The following ARHGAP10 variants were observed in gnomAD, a reference collection of about 807,000 sequenced individuals.
ARHGAP10 encodes rho GTPase-activating protein 10.
In ARHGAP10, 87 loss-of-function variants were observed where a neutral mutation model predicts 108.6. The ratio of observed to expected loss-of-function variants is 0.80; its 90% CI spans 0.67 to 0.96. The LOEUF is 0.96. ARHGAP10 is among the 40% of genes least tolerant of loss of function. The pLI, the probability that ARHGAP10 is intolerant of heterozygous loss-of-function variation, is 0.00. For synonymous variants in ARHGAP10, 347 were observed against 341.1 expected (o/e 1.02, Z -0.19); for missense variants, 939 against 954.5 (o/e 0.98, Z 0.21).
intron 18 of ARHGAP10, among the ~76,000 whole-genome samples, chr4:148,020,342 G>T (rs1166476185): frequency 1.3e-5 from 2 of 152,012 alleles, no homozygotes; most frequent in Non-Finnish European, 2.9e-5. Flanking sequence ...AGGATTTGCA[G>T]GTTTGTTACA....
intron 18 of ARHGAP10, among the ~76,000 whole-genome samples, chr4:147,987,166 T>C (rs879314710): frequency 6.6e-6 from 1 of 152,256 alleles, no homozygotes; most frequent in African/African-American, 2.4e-5. Flanking sequence ...AAACTAACTT[T>C]TCTAAACTGT....
intron 19 of ARHGAP10, among the ~76,000 whole-genome samples, chr4:148,029,933 A>G (rs1728060079): frequency 6.6e-6 from 1 of 152,088 alleles, no homozygotes; most frequent in Non-Finnish European, 1.5e-5. Context: ...GTGCCTAGAA[A>G]TTATGTGGGA....
chr4:147,758,197 A>G (rs952504055), intron 1 of ARHGAP10, among the ~76,000 whole-genome samples: 3 of 150,244 alleles, frequency 2.0e-5, no homozygotes, highest in Non-Finnish European at 3.0e-5. Flanking sequence ...CGGGACGTGG[A>G]GGTTGTGGTG....
Position 147,909,775 on chromosome 4 carries a change from G to A in ARHGAP10, c.1160G>A (p.Gly387Glu). 6.2e-7 allele frequency: 1 copy of A among 1,608,214 alleles called. No homozygotes were observed. The highest frequency in any genetic ancestry group is 8.5e-7 in the Non-Finnish European group (1 of 1,174,712). Reference protein sequence around the residue: ...FNTAIIPRPEGNAQLDKMGFT... With the variant: ...FNTAIIPRPEENAQLDKMGFT... Reference sequence around the variant, plus strand: ...ACAGCCATCATCCCAAGACCAGAAGGAAGTAAGTGCTCATTTATAAAAATG... The same window carrying A: ...ACAGCCATCATCCCAAGACCAGAAGAAAGTAAGTGCTCATTTATAAAAATG... The change falls in exon 12 of 23, where the codon GGA (glycine) becomes GAA (glutamate). Residue 387 changes from glycine (G) to glutamate (E), a missense_variant and splice_region_variant. By Grantham distance (98) the Gly-to-Glu change is moderately conservative. Transcript: ENST00000336498.
intron 18 of ARHGAP10, among the ~76,000 whole-genome samples, chr4:147,993,510 C>T (rs1222674763): frequency 6.6e-6 from 1 of 152,068 alleles, no homozygotes. Context: ...TGAACAGGTA[C>T]AAAAGATTAA....
chr4:147,739,893 A>C (rs920675199), intron 1 of ARHGAP10, among the ~76,000 whole-genome samples: 1 of 148,784 alleles, frequency 6.7e-6, no homozygotes, highest in African/African-American at 2.5e-5. Flanking sequence ...CTGCCACCAC[A>C]CCCGGCTAAT....
intron 18 of ARHGAP10, among the ~76,000 whole-genome samples, chr4:147,999,412 C>T (rs968186410): frequency 6.6e-6 from 1 of 152,210 alleles, no homozygotes; most frequent in Non-Finnish European, 1.5e-5. Flanking sequence ...TTTGTTACAG[C>T]TGGAGCTGAG....
Position 147,964,507 on chromosome 4 carries a change from T to C in ARHGAP10, c.1451-517T>C, listed in dbSNP as rs570668674. 2.6e-5 allele frequency among the ~76,000 whole-genome samples: 4 copies of C among 152,298 alleles called. No individual in the cohort carries two copies. In the East Asian group the frequency reaches 7.7e-4, roughly 29 times the overall value. ...CCTGACAGTCATTTTCATGCATGCC[T>C]TAGCATACCTGATGTCATTAAATCC... On this transcript the variant is annotated intron_variant, in intron 16 of 22. Transcript: ENST00000336498.
intron 1 of ARHGAP10, among the ~76,000 whole-genome samples, chr4:147,800,713 G>A (rs1213366696): frequency 6.6e-6 from 1 of 152,138 alleles, no homozygotes; most frequent in Admixed American, 6.6e-5. Flanking sequence ...TTCTCCTTTG[G>A]TTATCTCCTC....
At chr4:147,905,132 G>A (rs1736426947) in intron 10 of ARHGAP10, among the ~76,000 whole-genome samples, 1 of 152,118 alleles carries the variant, frequency 6.6e-6, no homozygotes, top group South Asian at 2.1e-4. Flanking sequence ...CTGGATATTA[G>A]CTCTTTGTCA....
At chr4:147,899,571 T>C (rs781117486) in intron 10 of ARHGAP10, among the ~76,000 whole-genome samples, 1 of 152,198 alleles carries the variant, frequency 6.6e-6, no homozygotes, top group Non-Finnish European at 1.5e-5. Context: ...GATTAATTGC[T>C]TGAATTCACT....
chr4:147,924,255 C>T (rs888102977), intron 13 of ARHGAP10, among the ~76,000 whole-genome samples: 2 of 152,214 alleles, frequency 1.3e-5, no homozygotes, highest in East Asian at 1.9e-4. Flanking sequence ...CGGCGAACCC[C>T]GAGTCCTTGC....
At chr4:147,784,083 A>G (rs1045865599) in intron 1 of ARHGAP10, among the ~76,000 whole-genome samples, 4 of 141,178 alleles carry the variant, frequency 2.8e-5, no homozygotes, top group Non-Finnish European at 4.5e-5. Flanking sequence ...GTATTATATA[A>G]TTTACATAAC....
intron 13 of ARHGAP10, among the ~76,000 whole-genome samples, chr4:147,927,805 G>A (rs578065086): frequency 2.0e-5 from 3 of 152,332 alleles, no homozygotes; most frequent in African/African-American, 7.2e-5. Context: ...CAAGGTTCAT[G>A]CTGTGAGGAA....
rs542196804 is a variant in ARHGAP10, at chr4:148,023,176, T to G, written c.1717-87T>G. On this transcript the variant is annotated intron_variant, in intron 18 of 22. Coordinates refer to ENST00000336498, the MANE Select transcript of ARHGAP10 (RefSeq NM_024605.4). ...TAGCCTGTCTTGAATGAACTCCAAA[T>G]CAAATGTTGTGGTGCTGGTTTACTG... is the stretch of plus-strand genomic sequence containing the variant. 8.6e-5 allele frequency: 128 copies of G among 1,492,040 alleles called. No homozygotes were observed. In the East Asian group the frequency reaches 2.5e-3, roughly 30 times the overall value. 92.4% of individuals were successfully genotyped at this position (1,492,040 alleles called of 1,614,324 possible). A position where few individuals can be genotyped will look rare whatever the true frequency, so the allele number is the denominator to read the frequency against.
intron 10 of ARHGAP10, among the ~76,000 whole-genome samples, chr4:147,890,574 C>G (rs1030410284): frequency 1.3e-5 from 2 of 152,206 alleles, no homozygotes; most frequent in Non-Finnish European, 2.9e-5. Context: ...TGCCTATAAT[C>G]CCAGCACTTT....
At chr4:148,040,020 T>C (rs910321566) in intron 19 of ARHGAP10, among the ~76,000 whole-genome samples, 30 of 152,282 alleles carry the variant, frequency 2.0e-4, no homozygotes, top group African/African-American at 7.2e-4. Flanking sequence ...TGAAGGAGGA[T>C]TTTTTTGTGT....
At chr4:148,010,336 T>A (rs2149653480) in intron 18 of ARHGAP10, among the ~76,000 whole-genome samples, 1 of 152,316 alleles carries the variant, frequency 6.6e-6, no homozygotes, top group South Asian at 2.1e-4. Context: ...AACATTATGA[T>A]CTTGTGTCCT....
intron 12 of ARHGAP10, among the ~76,000 whole-genome samples, chr4:147,911,811 A>G (rs984435427): frequency 6.6e-6 from 1 of 152,104 alleles, no homozygotes; most frequent in Non-Finnish European, 1.5e-5. Context: ...TCTGTTTTAA[A>G]TTTATTATGA....
Sources: allele counts gnomAD v4.1 joint callset (sites outside exome capture counted in the v4.1 genomes callset), GRCh38; gene constraint gnomAD v4.1.1; transcripts MANE v1.5; gene names NCBI Gene and HGNC (gene_info 2026-07-23, HGNC 2026-07-21).